FHIT: variants seen among roughly 807,000 people sequenced by gnomAD.
FHIT encodes the protein fragile histidine triad diadenosine triphosphatase.
FHIT carries 19 observed loss-of-function variants against 17.9 expected under a neutral mutation model. That is an observed-to-expected ratio of 1.06 (90% CI 0.74 to 1.56). The LOEUF (loss-of-function observed/expected upper bound fraction) is 1.56. Ranked by LOEUF, FHIT falls within the 40% of genes most tolerant of loss-of-function variation. The pLI is 0.00. For synonymous variants in FHIT, 81 were observed against 69.7 expected (o/e 1.16, Z -0.81); for missense variants, 248 against 189.2 (o/e 1.31, Z -1.82).
At chr3:61,179,158 T>A (rs2038253046) in intron 2 of FHIT, among the ~76,000 whole-genome samples, 1 of 151,822 alleles carries the variant, frequency 6.6e-6, no homozygotes, top group South Asian at 2.1e-4. Flanking sequence ...TACACACATG[T>A]GCCACCATGC....
intron 5 of FHIT, among the ~76,000 whole-genome samples, chr3:60,476,583 C>G (rs1034758170): frequency 1.3e-5 from 2 of 152,088 alleles, no homozygotes; most frequent in African/African-American, 2.4e-5. Context: ...GGGAAAGCTT[C>G]TCCTGAAGGT....
chr3:60,290,788 A>G (rs1248072439), intron 5 of FHIT, among the ~76,000 whole-genome samples: 1 of 152,108 alleles, frequency 6.6e-6, no homozygotes, highest in Non-Finnish European at 1.5e-5. Context: ...ATAAAATGGC[A>G]TAACTGAAAT....
At chr3:60,655,810 G>A (rs1411501535) in intron 4 of FHIT, among the ~76,000 whole-genome samples, 1 of 152,124 alleles carries the variant, frequency 6.6e-6, no homozygotes, top group East Asian at 1.9e-4. Flanking sequence ...ATCACAGAAA[G>A]CAGACAGCAA....
chr3:60,355,124 A>T (rs540706372), intron 5 of FHIT, among the ~76,000 whole-genome samples: 1 of 152,368 alleles, frequency 6.6e-6, no homozygotes, highest in South Asian at 2.1e-4. Flanking sequence ...TAAAACACAC[A>T]TGCATACACA....
intron 4 of FHIT, among the ~76,000 whole-genome samples, chr3:60,814,049 A>AT (rs1418784926): frequency 3.3e-5 from 5 of 151,994 alleles, no homozygotes; most frequent in Non-Finnish European, 7.4e-5. Context: ...TCATCTCAGC[A>AT]TTTTTTTGAA....
chr3:59,749,518 G>C lies in FHIT; in HGVS notation c.*67C>G, dbSNP rs921345980. Reference sequence around the variant, plus strand: ...TTCAGTTCCTCTTGGGGAGAGGCGGGGGGCGGTCTTCAAACTGGTTGGCAA... The same window carrying C: ...TTCAGTTCCTCTTGGGGAGAGGCGGCGGGCGGTCTTCAAACTGGTTGGCAA... On this transcript the variant is annotated 3_prime_UTR_variant, in exon 10 of 10. Transcript: ENST00000492590. 2.2e-3 allele frequency: 502 copies of C among 231,490 alleles called. 4 individuals carry two copies. Among genetic ancestry groups the C allele is most frequent in the African/African-American group, 0.01 (460 of 45,126 alleles). The allele number at this position is 231,490 out of a possible 1,614,324, so 14.3% of individuals were successfully genotyped here.
chr3:60,465,224 T>G (rs2032718072), intron 5 of FHIT, among the ~76,000 whole-genome samples: 2 of 151,380 alleles, frequency 1.3e-5, no homozygotes, highest in Admixed American at 1.3e-4. Context: ...ATTATTAGAT[T>G]TTTTTTCCTA....
At chr3:61,246,638 T>C (rs1455760237) in intron 1 of FHIT, among the ~76,000 whole-genome samples, 1 of 151,300 alleles carries the variant, frequency 6.6e-6, no homozygotes, top group Non-Finnish European at 1.5e-5. Context: ...AAGTGGGAGT[T>C]GAACAATGAG....
intron 4 of FHIT, among the ~76,000 whole-genome samples, chr3:60,806,042 G>A (rs1312647772): frequency 6.6e-6 from 1 of 152,148 alleles, no homozygotes; most frequent in African/African-American, 2.4e-5. Context: ...TTAACCATAG[G>A]AAGTCCACAA....
chr3:59,880,643 A>C (rs1699157464), intron 8 of FHIT, among the ~76,000 whole-genome samples: 1 of 152,204 alleles, frequency 6.6e-6, no homozygotes, highest in South Asian at 2.1e-4. Flanking sequence ...ATGCCTATAA[A>C]TGACAGCGTT....
chr3:59,968,110 A>G (rs113332720), intron 7 of FHIT, among the ~76,000 whole-genome samples: 1 of 152,104 alleles, frequency 6.6e-6, no homozygotes, highest in African/African-American at 2.4e-5. Context: ...ACACTGATGT[A>G]AAGAAAACTA....
At chr3:60,090,247 T>G in intron 5 of FHIT, among the ~76,000 whole-genome samples, 1 of 152,254 alleles carries the variant, frequency 6.6e-6, no homozygotes, top group South Asian at 2.1e-4. Context: ...TTTCCCAGTA[T>G]GAAAATGTGA....
chr3:59,813,783 C>A (rs773405817), intron 8 of FHIT, among the ~76,000 whole-genome samples: 68 of 151,986 alleles, frequency 4.5e-4, no homozygotes, highest in Admixed American at 1.2e-3. Context: ...GCTCCTGGTG[C>A]GGGGTTGGGC....
chr3:59,937,965 C>A (rs1300768792), intron 7 of FHIT, among the ~76,000 whole-genome samples: 2 of 152,120 alleles, frequency 1.3e-5, no homozygotes, highest in Admixed American at 6.5e-5. Context: ...AAAATGACAT[C>A]CTCTTCCAGC....
At chr3:60,388,634 A>G (rs562907144) in intron 5 of FHIT, among the ~76,000 whole-genome samples, 1 of 152,252 alleles carries the variant, frequency 6.6e-6, no homozygotes, top group Non-Finnish European at 1.5e-5. Context: ...CCTAAACCTG[A>G]TATCCAGATC....
chr3:60,825,590 G>C (rs939541734), intron 3 of FHIT, among the ~76,000 whole-genome samples: 1 of 152,122 alleles, frequency 6.6e-6, no homozygotes, highest in Non-Finnish European at 1.5e-5. Context: ...TCCACCTCCT[G>C]TCAGATCAGC....
At chr3:60,595,582 C>T (rs1327282395) in intron 4 of FHIT, among the ~76,000 whole-genome samples, 1 of 150,664 alleles carries the variant, frequency 6.6e-6, no homozygotes, top group Non-Finnish European at 1.5e-5. Flanking sequence ...TATATACGCA[C>T]ATACGTATGT....
chr3:61,129,978 G>A (rs2036717692), intron 2 of FHIT, among the ~76,000 whole-genome samples: 2 of 152,252 alleles, frequency 1.3e-5, no homozygotes, highest in South Asian at 4.1e-4. Flanking sequence ...ACATCAAGGA[G>A]AAAGTATAAG....
intron 4 of FHIT, among the ~76,000 whole-genome samples, chr3:60,746,471 C>A (rs1473169353): frequency 6.6e-6 from 1 of 152,186 alleles, no homozygotes; most frequent in African/African-American, 2.4e-5. Context: ...TTCCGCCACA[C>A]AATGCTTCAT....
Sources: gnomAD v4.1 joint callset for allele counts (sites outside exome capture counted in the v4.1 genomes callset) on GRCh38, gnomAD v4.1.1 for gene constraint, MANE v1.5 for transcripts, NCBI Gene and HGNC (gene_info 2026-07-23, HGNC 2026-07-21) for gene names.